PAX7: variants seen among roughly 807,000 people sequenced by gnomAD.
PAX7 encodes the protein paired box 7, also known as paired box protein Pax-7.
In PAX7, 18 loss-of-function variants were observed where a neutral mutation model predicts 50.7. The ratio of observed to expected loss-of-function variants is 0.36; its 90% CI spans 0.25 to 0.53. The LOEUF (loss-of-function observed/expected upper bound fraction) is 0.53, where lower values mean the gene tolerates loss of function less well. PAX7 is among the 20% of genes least tolerant of loss of function. PAX7 has a pLI of 0.93. For missense variants in PAX7, 644 were observed against 702.9 expected, an observed-to-expected ratio of 0.92 and a Z score of 0.95; for synonymous variants, 310 against 290.4, an observed-to-expected ratio of 1.07 and a Z score of -0.69.
At position 18,639,848 on chromosome 1, in the gene PAX7, C is replaced by T. The variant is rs2282712; in HGVS notation, c.586+3477C>T. On this transcript the variant is annotated intron_variant, in intron 4 of 8. Transcript: ENST00000420770. The stretch of plus-strand genomic sequence containing the variant: ...TGCACCAGTTTAAGCCAAAACTGAC[C>T]GGATCAGACCAGGGGCTCCGCTTTG... 9.0e-3 allele frequency among the ~76,000 whole-genome samples: 1,366 copies of T among 152,224 alleles called. 34 individuals are homozygous for T. The highest frequency in any genetic ancestry group is 0.083 in the East Asian group (433 of 5,188).
At position 18,745,133 on chromosome 1, in the gene PAX7, T is replaced by A; in HGVS notation, c.*204T>A. The stretch of plus-strand genomic sequence containing the variant: ...GGGATCCAGAGTGATGCCCTTGGAG[T>A]CTGCTCCCCACTTTCCCCAAGGAGG... On this transcript the variant is annotated 3_prime_UTR_variant, in exon 9 of 9. Coordinates refer to ENST00000420770, the MANE Select transcript of PAX7 (RefSeq NM_001135254.2). 1 of 580,558 alleles carries A rather than the reference T, an allele frequency of 1.7e-6. No homozygotes were observed. The highest frequency in any genetic ancestry group is 3.1e-6 in the Non-Finnish European group (1 of 325,444). 36.0% of individuals were successfully genotyped at this position (580,558 alleles called of 1,614,324 possible). A position where few individuals can be genotyped will look rare whatever the true frequency, so the allele number is the denominator to read the frequency against.
At chr1:18,731,382 G>T (rs1409551734) in intron 7 of PAX7, among the ~76,000 whole-genome samples, 1 of 152,314 alleles carries the variant, frequency 6.6e-6, no homozygotes, top group Non-Finnish European at 1.5e-5. Context: ...ACAGCTGGTG[G>T]CAGGGAAAGA....
At chr1:18,702,364 G>A (rs2089233709) in intron 6 of PAX7, among the ~76,000 whole-genome samples, 1 of 151,902 alleles carries the variant, frequency 6.6e-6, no homozygotes, top group Non-Finnish European at 1.5e-5. Context: ...TTTTAAAAAA[G>A]ATAGCTACCT....
rs140323790 is a variant in PAX7 at position 18,735,863 on chromosome 1, G to A, written c.1387G>A (p.Gly463Ser). The change falls in exon 8 of 9, where the codon GGC becomes AGC. Residue 463 changes from glycine to serine, a missense_variant. Physicochemically the swap from Gly to Ser is moderately conservative, Grantham distance 56 (BLOSUM62 0). Transcript: ENST00000420770. The surrounding 1 kb of genome is among the most constrained non-coding windows in gnomAD (Gnocchi z 4.0). ...GGACCCCGTGGCCGGCTATCAGTAC[G>A]GCCAGTACGGCCAGAGTGAGTGCCT... ...SVDPVAGYQY[G>S]QYGQTAVDYL... 77 of 1,613,972 alleles carry A rather than the reference G, an allele frequency of 4.8e-5. 2 individuals carry two copies. Among genetic ancestry groups the A allele is most frequent in the East Asian group, 4.7e-4 (21 of 44,860 alleles).
intron 4 of PAX7, among the ~76,000 whole-genome samples, chr1:18,647,960 A>C (rs2088371457): frequency 6.6e-6 from 1 of 152,192 alleles, no homozygotes; most frequent in Non-Finnish European, 1.5e-5. Context: ...GAAGGTCAAG[A>C]GAAGAAGGTA....
At chr1:18,725,297 G>T (rs1218068826) in intron 7 of PAX7, among the ~76,000 whole-genome samples, 2 of 94,636 alleles carry the variant, frequency 2.1e-5, no homozygotes, top group African/African-American at 1.1e-4. Flanking sequence ...TACAGAGGTG[G>T]AGACGCCCCC....
At chr1:18,731,237 C>A (rs766955163) in intron 7 of PAX7, among the ~76,000 whole-genome samples, 5 of 152,186 alleles carry the variant, frequency 3.3e-5, no homozygotes, top group Non-Finnish European at 4.4e-5. Context: ...TAACTGTGGG[C>A]CAATGCTTCC....
intron 4 of PAX7, among the ~76,000 whole-genome samples, chr1:18,645,748 T>A (rs1200568127): frequency 6.6e-6 from 1 of 152,214 alleles, no homozygotes; most frequent in African/African-American, 2.4e-5. Flanking sequence ...GCCTTAAGTC[T>A]GCTCTGGCTT....
chr1:18,678,166 C>T (rs2088850821), intron 4 of PAX7, among the ~76,000 whole-genome samples: 1 of 151,976 alleles, frequency 6.6e-6, no homozygotes, highest in Non-Finnish European at 1.5e-5. Context: ...AATCCCAGCA[C>T]TTTGGGAGGC....
chr1:18,717,030 C>A (rs1352621217), intron 7 of PAX7, among the ~76,000 whole-genome samples: 1 of 151,888 alleles, frequency 6.6e-6, no homozygotes, highest in East Asian at 1.9e-4. Context: ...CCGCCCCTCC[C>A]CGCGCTCCGC....
chr1:18,725,718 C>T (rs1056460815), intron 7 of PAX7, among the ~76,000 whole-genome samples: 3 of 152,220 alleles, frequency 2.0e-5, no homozygotes, highest in African/African-American at 7.2e-5. Flanking sequence ...CTCGCCGCTC[C>T]GAGCAGAGTC....
intron 5 of PAX7, among the ~76,000 whole-genome samples, chr1:18,692,267 T>C (rs541468179): frequency 7.0e-6 from 1 of 143,848 alleles, no homozygotes; most frequent in East Asian, 2.1e-4. Context: ...GGAGGCCAGG[T>C]GTGGTGGCTC....
chr1:18,740,921 C>G (rs1931095925), intron 8 of PAX7, among the ~76,000 whole-genome samples: 1 of 152,038 alleles, frequency 6.6e-6, no homozygotes, highest in Non-Finnish European at 1.5e-5. Flanking sequence ...CACATGTTCT[C>G]ATATATGGGA....
chr1:18,682,228 G>A (rs1441857538), intron 4 of PAX7, among the ~76,000 whole-genome samples: 1 of 152,150 alleles, frequency 6.6e-6, no homozygotes, highest in Non-Finnish European at 1.5e-5. Flanking sequence ...CACTGGGAGA[G>A]AGTGTAGGAT....
At chr1:18,701,029 C>T (rs2089212387) in intron 6 of PAX7, among the ~76,000 whole-genome samples, 1 of 152,210 alleles carries the variant, frequency 6.6e-6, no homozygotes, top group Admixed American at 6.5e-5. Context: ...CCCTGTGCAC[C>T]TGTTTAGAAC....
rs1473050022 is a variant in PAX7 at position 18,748,254 on chromosome 1, G to A, written c.*3325G>A. 4.4e-6 allele frequency: 1 copy of A among 227,432 alleles called. No homozygotes were observed. Among genetic ancestry groups the A allele is most frequent in the Non-Finnish European group, 8.7e-6 (1 of 114,510 alleles). 14.1% of individuals were successfully genotyped at this position (227,432 alleles called of 1,614,324 possible). A position where few individuals can be genotyped will look rare whatever the true frequency, so the allele number is the denominator to read the frequency against. ...TGCCAGAATCCAGTGTTTCAAGATG[G>A]AGTTGGTGAAGCATCCAAGATTTTG... On this transcript the variant is annotated 3_prime_UTR_variant, in exon 9 of 9. Coordinates refer to ENST00000420770, the MANE Select transcript of PAX7 (RefSeq NM_001135254.2).
At chr1:18,643,704 T>A (rs1570113257) in intron 4 of PAX7, among the ~76,000 whole-genome samples, 1 of 152,222 alleles carries the variant, frequency 6.6e-6, no homozygotes, top group East Asian at 1.9e-4. Context: ...TGATCCTTCG[T>A]GGCTTCGCCT....
intron 7 of PAX7, among the ~76,000 whole-genome samples, chr1:18,731,491 A>G (rs960706720): frequency 6.6e-6 from 1 of 152,030 alleles, no homozygotes; most frequent in Non-Finnish European, 1.5e-5. Flanking sequence ...TCGTGTCTCA[A>G]TTTCCCCATC....
Position 18,703,147 on chromosome 1 carries a change from C to G in PAX7, c.1006C>G (p.Gln336Glu). 1 of 1,613,992 alleles carries G rather than the reference C, an allele frequency of 6.2e-7. No individual in the cohort carries two copies. Among genetic ancestry groups the G allele is most frequent in the South Asian group, 1.1e-5 (1 of 91,066 alleles). ...GCCCCTGCCACCGTCCACCATGCAC[C>G]AGGGCGGGCTGGCTGCAGCGGCTGC... is the stretch of plus-strand genomic sequence containing the variant. ...PQPLPPSTMH[Q>E]GGLAAAAAAA... Residue 336 changes from glutamine (Q) to glutamate (E), a missense_variant, in exon 7 of 9, where the codon CAG becomes GAG. Coordinates refer to ENST00000420770, the MANE Select transcript of PAX7 (RefSeq NM_001135254.2).
Sources: gnomAD v4.1 joint callset for allele counts (sites outside exome capture counted in the v4.1 genomes callset) on GRCh38, gnomAD v4.1.1 for gene constraint, Gnocchi (gnomAD v3.1) non-coding constraint, MANE v1.5 for transcripts, NCBI Gene and HGNC (gene_info 2026-07-23, HGNC 2026-07-21) for gene names.